Variants in RTF1 observed in about 807,000 individuals in gnomAD.
RTF1 encodes RNA polymerase-associated protein RTF1 homolog.
In RTF1, 10 loss-of-function variants were observed where a neutral mutation model predicts 95.7. The observed-to-expected ratio is 0.10, with a 90% CI of 0.06 to 0.18. RTF1 has a LOEUF of 0.18. RTF1 is among the 10% of genes least tolerant of loss of function. RTF1 has a pLI of 1.00. For synonymous variants in RTF1, 305 were observed against 311.8 expected (o/e 0.98, Z 0.23); for missense variants, 458 against 875.6 (o/e 0.52, Z 6.02).
chr15:41,439,565 C>G (rs926812871), intron 2 of RTF1, among the ~76,000 whole-genome samples: 12 of 152,130 alleles, frequency 7.9e-5, no homozygotes, highest in African/African-American at 2.9e-4. Context: ...ATGGCAGGCC[C>G]TAAAAGATCC....
Position 41,480,328 on chromosome 15 carries a change from A to G in RTF1, c.2026+3A>G. On this transcript the variant is annotated splice_donor_region_variant and intron_variant, in intron 17 of 17. Transcript: ENST00000389629. Reference sequence around the variant, plus strand: ...TGACTTACAAGTTCCCAGCTCAGGTATGTGAGGGTGGGGCGGGTGGTGAGG... The same window carrying G: ...TGACTTACAAGTTCCCAGCTCAGGTGTGTGAGGGTGGGGCGGGTGGTGAGG... The G allele has an allele frequency of 6.4e-7, 1 of 1,565,196 alleles. No homozygotes were observed. Among genetic ancestry groups the G allele is most frequent in the Non-Finnish European group, 8.8e-7 (1 of 1,135,852 alleles).
In RTF1 at chr15:41,436,843, C is replaced by T. The variant is rs562341073; in HGVS notation, c.199-1478C>T. Among the ~76,000 whole-genome samples the T allele has an allele frequency of 5.3e-5, 8 of 152,002 alleles. 1 individual carries two copies. In the South Asian group the frequency reaches 1.7e-3, roughly 32 times the overall value. ...GTGGCTCACGCCTGTAATCCCAGCA[C>T]TTTGGGAGGTCGAGTTGGGCGGATT... On this transcript the variant is annotated intron_variant, in intron 1 of 17. Coordinates refer to ENST00000389629, the MANE Select transcript of RTF1 (RefSeq NM_015138.5).
chr15:41,429,497 T>C (rs2050657830), intron 1 of RTF1, among the ~76,000 whole-genome samples: 2 of 151,860 alleles, frequency 1.3e-5, no homozygotes, highest in African/African-American at 4.8e-5. Flanking sequence ...CCTTGCTGGA[T>C]TGGGTTACTC....
At chr15:41,476,959 G>A (rs1046303708) in intron 12 of RTF1, among the ~76,000 whole-genome samples, 1 of 152,238 alleles carries the variant, frequency 6.6e-6, no homozygotes, top group African/African-American at 2.4e-5. Context: ...GTAGCTGTAT[G>A]GGAAGGTGTT....
In RTF1 at chr15:41,441,285, C is replaced by T. The variant is rs959203393; in HGVS notation, c.309+2854C>T. On this transcript the variant is annotated intron_variant, in intron 2 of 17. Coordinates refer to ENST00000389629, the MANE Select transcript of RTF1 (RefSeq NM_015138.5). ...CATGTCTGGCCTCTCTCCCACTATT[C>T]TTATAGCTACTTTTATTTTTCATGT... 3.9e-5 allele frequency among the ~76,000 whole-genome samples: 6 copies of T among 152,202 alleles called. No homozygotes were observed. In the East Asian group the frequency reaches 1.2e-3, roughly 29 times the overall value.
chr15:41,471,148 C>A (rs961598062), intron 7 of RTF1, 24 bp from the exon 8 acceptor site: 2 of 1,560,266 alleles, frequency 1.3e-6, no homozygotes, highest in African/African-American at 1.4e-5. Context: ...AACATTTTTT[C>A]CAGTGCCCCT....
rs58221683 is a variant in RTF1 at position 41,470,650 on chromosome 15, C to CTTTTTTT, written c.1025+278_1025+284dup. Among the ~76,000 whole-genome samples, 46 of 75,488 alleles carry CTTTTTTT rather than the reference C, an allele frequency of 6.1e-4. 1 individual carries two copies. The highest frequency in any genetic ancestry group is 8.2e-3 in the Middle Eastern group (1 of 122). 49.5% of individuals were successfully genotyped at this position (75,488 alleles called of 152,430 possible). A position where few individuals can be genotyped will look rare whatever the true frequency, so the allele number is the denominator to read the frequency against. ...TTGGCCTGGAGCTTTCATTCATTTT[C>CTTTTTTT]TTTTTTTTTTTTTTTTTTTTTTTTT... On this transcript the variant is annotated intron_variant, in intron 7 of 17. Transcript: ENST00000389629.
At chr15:41,432,802 T>C (rs2050681913) in intron 1 of RTF1, among the ~76,000 whole-genome samples, 1 of 151,778 alleles carries the variant, frequency 6.6e-6, no homozygotes, top group Non-Finnish European at 1.5e-5. Flanking sequence ...AGCCAGGTGT[T>C]GTGGTGCACA....
intron 5 of RTF1, 50 bp downstream of exon 5, chr15:41,464,935 T>A (rs1340990694): frequency 2.3e-6 from 1 of 441,622 alleles, no homozygotes; most frequent in South Asian, 3.8e-5. Context: ...CTGTTTTGAG[T>A]GTGTGTGTGT....
rs1452980222 is a variant in RTF1, at chr15:41,482,098, A to T, written c.*1411A>T. On this transcript the variant is annotated 3_prime_UTR_variant, in exon 18 of 18. Coordinates refer to ENST00000389629, the MANE Select transcript of RTF1 (RefSeq NM_015138.5). ...CCGCCTCAAAAAGATTTAGGTTGCA[A>T]ATGTTTCAAGCATGTGCAGTTTTGT... is the stretch of plus-strand genomic sequence containing the variant. 2 of 152,272 alleles carry T rather than the reference A, an allele frequency of 1.3e-5. No individual in the cohort carries two copies. Among genetic ancestry groups the T allele is most frequent in the African/African-American group, 4.8e-5 (2 of 41,452 alleles). The allele number at this position is 152,272 out of a possible 1,614,324, so 9.4% of individuals were successfully genotyped here. A position where few individuals can be genotyped will look rare whatever the true frequency, so the allele number is the denominator to read the frequency against.
rs1317571701 is a variant in RTF1, at chr15:41,458,819, C to A, written c.662+943C>A. Among the ~76,000 whole-genome samples, 5 of 150,622 alleles carry A rather than the reference C, an allele frequency of 3.3e-5. No homozygotes were observed. The East Asian group carries it at 9.9e-4, about 30-fold the overall frequency. On this transcript the variant is annotated intron_variant, in intron 4 of 17. Coordinates refer to ENST00000389629, the MANE Select transcript of RTF1 (RefSeq NM_015138.5). The stretch of plus-strand genomic sequence containing the variant: ...AAGTGTGGTGGCTCACACTGGTAAT[C>A]CCTGCACTTTGGGAGGCCAAGGCGG...
chr15:41,460,060 A>C (rs2140961842), intron 4 of RTF1, among the ~76,000 whole-genome samples: 1 of 152,040 alleles, frequency 6.6e-6, no homozygotes, highest in African/African-American at 2.4e-5. Context: ...TATCCTAGAG[A>C]AGAATGTTTG....
rs751772007 is a variant in RTF1, at chr15:41,477,467, C to G, written c.1692C>G (p.Asn564Lys). The G allele has an allele frequency of 6.2e-7, 1 of 1,614,212 alleles. No individual in the cohort carries two copies. The highest frequency in any genetic ancestry group is 8.5e-7 in the Non-Finnish European group (1 of 1,180,034). Residue 564 changes from asparagine (N) to lysine (K), a missense_variant, in exon 14 of 18, where the codon AAC becomes AAG. Asn to Lys is a moderately conservative substitution (Grantham distance 94). Transcript: ENST00000389629. Reference sequence around the variant, plus strand: ...CCCTCTTACCCCACAGTTACATCAACCAGCGGAACCGGGAGTGGAACATTG... The same window carrying G: ...CCCTCTTACCCCACAGTTACATCAAGCAGCGGAACCGGGAGTGGAACATTG... ...TKNISAISYINQRNREWNIVE... is the reference protein window; with the variant it reads ...TKNISAISYIKQRNREWNIVE...
chr15:41,475,034 C>T (rs1009096222), intron 9 of RTF1, among the ~76,000 whole-genome samples: 52 of 152,200 alleles, frequency 3.4e-4, no homozygotes, highest in African/African-American at 1.2e-3. Context: ...GTCATAACCT[C>T]ATCTGTGACA....
Position 41,480,332 on chromosome 15 carries a change from G to C in RTF1, c.2026+7G>C. ...TTACAAGTTCCCAGCTCAGGTATGTGAGGGTGGGGCGGGTGGTGAGGGCTG... is the reference window on the plus strand; with the variant it reads ...TTACAAGTTCCCAGCTCAGGTATGTCAGGGTGGGGCGGGTGGTGAGGGCTG... On this transcript the variant is annotated splice_region_variant and intron_variant, in intron 17 of 17. Coordinates refer to ENST00000389629, the MANE Select transcript of RTF1 (RefSeq NM_015138.5). The C allele has an allele frequency of 1.3e-6, 2 of 1,584,200 alleles. No individual in the cohort carries two copies. Among genetic ancestry groups the C allele is most frequent in the Non-Finnish European group, 1.7e-6 (2 of 1,152,710 alleles).
chr15:41,462,249 T>C (rs990710602), intron 4 of RTF1, among the ~76,000 whole-genome samples: 9 of 152,182 alleles, frequency 5.9e-5, no homozygotes, highest in African/African-American at 2.2e-4. Context: ...ATTTAATCTT[T>C]GTAGTCTTTT....
chr15:41,431,259 G>C (rs2050670864), intron 1 of RTF1, among the ~76,000 whole-genome samples: 1 of 148,142 alleles, frequency 6.8e-6, no homozygotes, highest in Admixed American at 6.8e-5. Flanking sequence ...TTGTTGCCCA[G>C]GCTAGAGTGC....
intron 8 of RTF1, among the ~76,000 whole-genome samples, chr15:41,471,845 CT>C (rs1479115469): frequency 1.3e-5 from 2 of 152,074 alleles, no homozygotes; most frequent in Non-Finnish European, 2.9e-5. Flanking sequence ...AATCCCAACA[CT>C]TTGGGATTTA....
At chr15:41,477,019 A>T in intron 12 of RTF1, 146 bp from the exon 13 acceptor site, 2 of 964,454 alleles carry the variant, frequency 2.1e-6, no homozygotes, top group Non-Finnish European at 3.2e-6. Flanking sequence ...TTGTATTTGT[A>T]AAGTACTTCT....
Sources: gnomAD v4.1 joint callset for allele counts (sites outside exome capture counted in the v4.1 genomes callset) on GRCh38, gnomAD v4.1.1 for gene constraint, MANE v1.5 for transcripts, NCBI Gene and HGNC (gene_info 2026-07-23, HGNC 2026-07-21) for gene names.